EGFR: variants seen among roughly 807,000 people sequenced by gnomAD.
EGFR encodes avian erythroblastic leukemia viral (v-erb-b) oncogene homolog.
Under a neutral mutation model 143.0 loss-of-function variants are expected in EGFR, and 58 were observed. The observed-to-expected ratio is 0.41, with a 90% CI of 0.33 to 0.50. The LOEUF (loss-of-function observed/expected upper bound fraction) is 0.50. Among genes scored for constraint, EGFR ranks in the 20% least tolerant of loss-of-function variants. EGFR has a pLI of 0.39. For missense variants in EGFR, 1,307 were observed against 1,579.0 expected, an observed-to-expected ratio of 0.83 and a Z score of 2.92; for synonymous variants, 613 against 594.4, an observed-to-expected ratio of 1.03 and a Z score of -0.45.
At chr7:55,188,299 T>A (rs1273356359) in intron 20 of EGFR, among the ~76,000 whole-genome samples, 6 of 152,016 alleles carry the variant, frequency 3.9e-5, no homozygotes, top group African/African-American at 1.4e-4. Context: ...TTCCCGCCTC[T>A]CACTCTGAAC....
chr7:55,113,855 T>C (rs1043726023), intron 1 of EGFR, among the ~76,000 whole-genome samples: 2 of 152,214 alleles, frequency 1.3e-5, no homozygotes, highest in Non-Finnish European at 2.9e-5. Context: ...AGAAAGTAGG[T>C]GCCTGCCTTC....
At chr7:55,022,793 AT>A (rs1436849927) in intron 1 of EGFR, among the ~76,000 whole-genome samples, 1 of 152,106 alleles carries the variant, frequency 6.6e-6, no homozygotes, top group Non-Finnish European at 1.5e-5. Context: ...ATAACTCATG[AT>A]TTTTCAAAAA....
At chr7:55,131,101 A>T (rs2128920031) in intron 1 of EGFR, among the ~76,000 whole-genome samples, 1 of 152,312 alleles carries the variant, frequency 6.6e-6, no homozygotes, top group East Asian at 1.9e-4. Context: ...CAGGTACATG[A>T]GTCCTTGTTT....
At chr7:55,073,328 G>A (rs1172001618) in intron 1 of EGFR, among the ~76,000 whole-genome samples, 3 of 152,202 alleles carry the variant, frequency 2.0e-5, no homozygotes, top group Non-Finnish European at 4.4e-5. Context: ...TGTAAAATAG[G>A]TATGAGTGTA....
Position 55,019,023 on chromosome 7 carries a change from C to T in EGFR, c.-255C>T. ...GCCTCGGCCCGCGCGAGCTAGACGT[C>T]CGGGCAGCCCCCGGCGCAGCGCGGC... On this transcript the variant is annotated 5_prime_UTR_variant, in exon 1 of 28. Coordinates refer to ENST00000275493, the MANE Select transcript of EGFR (RefSeq NM_005228.5). 1 of 217,132 alleles carries T rather than the reference C, an allele frequency of 4.6e-6. No individual in the cohort carries two copies. The highest frequency in any genetic ancestry group is 8.9e-6 in the Non-Finnish European group (1 of 112,086). The allele number at this position is 217,132 out of a possible 1,614,324, so 13.5% of individuals were successfully genotyped here.
chr7:55,087,292 A>AAAAAC (rs1436049655), intron 1 of EGFR, among the ~76,000 whole-genome samples: 2 of 151,652 alleles, frequency 1.3e-5, no homozygotes, highest in Non-Finnish European at 2.9e-5. Context: ...AACAAAAAAA[A>AAAAAC]AAAAACCTGT....
chr7:55,174,879 C>T (rs1786530653), intron 19 of EGFR, 59 bp downstream of exon 19: 3 of 1,364,072 alleles, frequency 2.2e-6, no homozygotes, highest in Non-Finnish European at 3.1e-6. Flanking sequence ...CCCACCTTTT[C>T]TCATGTCTGG....
At chr7:55,192,012 T>A (rs2128965021) in intron 21 of EGFR, 138 bp downstream of exon 21, 1 of 1,333,682 alleles carries the variant, frequency 7.5e-7, no homozygotes, top group Non-Finnish European at 1.0e-6. Context: ...CAGCTGCTGC[T>A]GGCAGCTGGG....
intron 16 of EGFR, among the ~76,000 whole-genome samples, chr7:55,172,158 C>A (rs1786380494): frequency 1.3e-5 from 2 of 152,228 alleles, no homozygotes; most frequent in Admixed American, 1.3e-4. Flanking sequence ...ACCTGGAAAC[C>A]AGTCATGGCC....
intron 19 of EGFR, among the ~76,000 whole-genome samples, chr7:55,179,293 G>A (rs867814887): frequency 6.6e-6 from 1 of 152,240 alleles, no homozygotes; most frequent in Non-Finnish European, 1.5e-5. Flanking sequence ...GGAAGGCTAG[G>A]CCTGTCTCCT....
At chr7:55,082,902 T>C (rs1176255798) in intron 1 of EGFR, among the ~76,000 whole-genome samples, 1 of 152,206 alleles carries the variant, frequency 6.6e-6, no homozygotes, top group African/African-American at 2.4e-5. Context: ...CCTCTGGTGT[T>C]CCCAGCAGCC....
chr7:55,065,345 G>T (rs1202975997), intron 1 of EGFR, among the ~76,000 whole-genome samples: 2 of 152,230 alleles, frequency 1.3e-5, no homozygotes, highest in Non-Finnish European at 2.9e-5. Context: ...CCCTGCACAA[G>T]TGAGCTGCGC....
At chr7:55,160,878 A>G (rs1033560915) in intron 12 of EGFR, among the ~76,000 whole-genome samples, 1 of 152,188 alleles carries the variant, frequency 6.6e-6, no homozygotes, top group Non-Finnish European at 1.5e-5. Flanking sequence ...TGGCTTCCTC[A>G]TCCATAGAAT....
At chr7:55,041,445 C>T (rs184747367) in intron 1 of EGFR, among the ~76,000 whole-genome samples, 1 of 152,078 alleles carries the variant, frequency 6.6e-6, no homozygotes, top group East Asian at 1.9e-4. Context: ...TACATAAAAA[C>T]GTGGAGTGAG....
At position 55,019,226 on chromosome 7, in the gene EGFR, C is replaced by T; in HGVS notation, c.-52C>T. 1 of 1,387,018 alleles carries T rather than the reference C, an allele frequency of 7.2e-7. No homozygotes were observed. Among genetic ancestry groups the T allele is most frequent in the Non-Finnish European group, 9.6e-7 (1 of 1,040,790 alleles). 85.9% of individuals were successfully genotyped at this position (1,387,018 alleles called of 1,614,324 possible). A position where few individuals can be genotyped will look rare whatever the true frequency, so the allele number is the denominator to read the frequency against. ...ACAACCACCGCGCACGGCCCCCTGA[C>T]TCCGTCCAGTATTGATCGGGAGAGC... On this transcript the variant is annotated 5_prime_UTR_variant, in exon 1 of 28. Transcript: ENST00000275493.
intron 20 of EGFR, among the ~76,000 whole-genome samples, chr7:55,190,597 C>G (rs1787348398): frequency 6.6e-6 from 1 of 152,090 alleles, no homozygotes; most frequent in Non-Finnish European, 1.5e-5. Flanking sequence ...CAGTGGGATC[C>G]CTCCATACAG....
intron 1 of EGFR, among the ~76,000 whole-genome samples, chr7:55,103,466 C>T (rs1357988466): frequency 6.6e-6 from 1 of 152,236 alleles, no homozygotes; most frequent in African/African-American, 2.4e-5. Flanking sequence ...GATACCCTTA[C>T]AGAATGTGAT....
chr7:55,152,396 G>T, intron 5 of EGFR, 150 bp from the exon 6 acceptor site: 1 of 800,316 alleles, frequency 1.2e-6, no homozygotes, highest in Non-Finnish European at 2.3e-6. Context: ...TCAGAAAAGG[G>T]CATGGTTTGA....
In EGFR at chr7:55,201,759, G is replaced by A. The variant is rs142442994; in HGVS notation, c.3139G>A (p.Val1047Met). The stretch of plus-strand genomic sequence containing the variant: ...GAGTGCAACCAGCAACAATTCCACC[G>A]TGGCTTGCATTGATAGAAATGGGGT... ...SLSATSNNST[V>M]ACIDRNGLQS... Residue 1047 changes from valine (V) to methionine (M), a missense_variant, in exon 26 of 28, where the codon GTG (valine) becomes ATG (methionine). Physicochemically the swap from Val to Met is conservative, Grantham distance 21. This residue lies in a region of EGFR where 313 missense variants were observed against 312.3 expected (regional missense o/e 1.00). Transcript: ENST00000275493. 122 of 1,614,056 alleles carry A rather than the reference G, an allele frequency of 7.6e-5. No individual in the cohort carries two copies. Among genetic ancestry groups the A allele is most frequent in the South Asian group, 1.1e-4 (10 of 91,086 alleles).
Sources: gnomAD v4.1 joint callset for allele counts (sites outside exome capture counted in the v4.1 genomes callset) on GRCh38, gnomAD v4.1.1 for gene constraint, gnomAD v4.1.1 regional missense constraint, MANE v1.5 for transcripts, NCBI Gene and HGNC (gene_info 2026-07-23, HGNC 2026-07-21) for gene names.